The following GPRASP1 variants were observed in gnomAD, a reference collection of about 807,000 sequenced individuals.
GPRASP1 encodes G protein-coupled receptor-associated sorting protein 1.
Under a neutral mutation model 68.4 loss-of-function variants are expected in GPRASP1, and 28 were observed. The observed-to-expected ratio is 0.41, with a 90% CI of 0.30 to 0.56. The LOEUF is 0.56. Among genes scored for constraint, GPRASP1 ranks in the 20% least tolerant of loss-of-function variants. GPRASP1 has a pLI of 0.29. For synonymous variants in GPRASP1, 304 were observed against 358.2 expected, an observed-to-expected ratio of 0.85 and a Z score of 1.71; for missense variants, 913 against 1,031.5, an observed-to-expected ratio of 0.89 and a Z score of 1.57.
chrX:102,652,092 A>G (rs1288171815), intron 2 of GPRASP1, 83 bp from the exon 3 acceptor site: 1 of 112,877 alleles, frequency 8.9e-6, no homozygotes, highest in Admixed American at 9.3e-5. Flanking sequence ...TGATTCCGGA[A>G]AGGGGCCTGT....
Position 102,657,782 on chromosome X carries a change from C to G in GPRASP1, c.3869C>G (p.Ala1290Gly). 1 of 1,206,557 alleles carries G rather than the reference C, an allele frequency of 8.3e-7. No homozygotes were observed. Among genetic ancestry groups the G allele is most frequent in the African/African-American group, 1.7e-5 (1 of 57,703 alleles). Reference sequence around the variant, plus strand: ...CTCTCCTTATTAGCTACAGGCAATGCCAAAACAAGGTTTCATGTTTTGAAA... The same window carrying G: ...CTCTCCTTATTAGCTACAGGCAATGGCAAAACAAGGTTTCATGTTTTGAAA... ...GFLSLLATGNAKTRFHVLKML... is the reference protein window; with the variant it reads ...GFLSLLATGNGKTRFHVLKML... The change falls in exon 6 of 6, where the codon GCC becomes GGC. Residue 1290 changes from alanine (A) to glycine (G), a missense_variant. Ala to Gly is a moderately conservative substitution (Grantham distance 60). Coordinates refer to ENST00000537097, the MANE Select transcript of GPRASP1 (RefSeq NM_001184727.2).
In GPRASP1 at chrX:102,654,458, C is replaced by T. The variant is rs1293236532; in HGVS notation, c.545C>T (p.Ser182Phe). 40 of 1,209,842 alleles carry T rather than the reference C, an allele frequency of 3.3e-5. No homozygotes were observed. The highest frequency in any genetic ancestry group is 4.4e-5 in the Non-Finnish European group (39 of 895,042). Residue 182 changes from serine to phenylalanine, a missense_variant, in exon 6 of 6, where the codon TCC (serine) becomes TTC (phenylalanine). Physicochemically the swap from Ser to Phe is radical, Grantham distance 155. Coordinates refer to ENST00000537097, the MANE Select transcript of GPRASP1 (RefSeq NM_001184727.2). Reference protein sequence around the residue: ...MGSWCCPRPTSKQEASPNSDF... With the variant: ...MGSWCCPRPTFKQEASPNSDF... Reference sequence around the variant, plus strand: ...TCCTGGTGCTGTCCTAGGCCTACATCCAAACAAGAAGCCTCTCCTAATTCT... The same window carrying T: ...TCCTGGTGCTGTCCTAGGCCTACATTCAAACAAGAAGCCTCTCCTAATTCT...
intron 3 of GPRASP1, among the ~76,000 whole-genome samples, 151 bp downstream of exon 3, chrX:102,652,416 C>A (rs970228039): frequency 2.7e-4 from 30 of 111,613 alleles, no homozygotes; most frequent in African/African-American, 9.5e-4. Context: ...CCATCCCCAT[C>A]TGCCTCCCCC....
chrX:102,651,647 GGGT>G (rs916030226), intron 1 of GPRASP1, 37 bp from the exon 2 acceptor site: 6 of 111,935 alleles, frequency 5.4e-5, no homozygotes, highest in African/African-American at 2.0e-4. Context: ...TGGTCCGCCA[GGGT>G]GGACCGGCTG....
Position 102,657,093 on chromosome X carries a change from C to T in GPRASP1, c.3180C>T (p.Val1060=), listed in dbSNP as rs1245419093. ...VQFKPGPWGR[V]GFPSISPFRF... ...TCAAGCCTGGTCCATGGGGTAGGGTCGGCTTCCCATCTATAAGCCCCTTTA... is the reference window on the plus strand; with the variant it reads ...TCAAGCCTGGTCCATGGGGTAGGGTTGGCTTCCCATCTATAAGCCCCTTTA... The change falls in exon 6 of 6, where the codon GTC becomes GTT. Residue 1060 remains valine (V), a synonymous_variant. Transcript: ENST00000537097. The T allele has an allele frequency of 6.6e-6, 8 of 1,210,151 alleles. No homozygotes were observed. Among genetic ancestry groups the T allele is most frequent in the Admixed American group, 4.3e-5 (2 of 46,013 alleles).
chrX:102,655,666 T>G lies in GPRASP1; in HGVS notation c.1753T>G (p.Trp585Gly). The G allele has an allele frequency of 2.5e-6, 3 of 1,211,415 alleles. No individual in the cohort carries two copies. Among genetic ancestry groups the G allele is most frequent in the Non-Finnish European group, 3.4e-6 (3 of 895,348 alleles). The change falls in exon 6 of 6, where the codon TGG (tryptophan) becomes GGG (glycine). Residue 585 changes from tryptophan (W) to glycine (G), a missense_variant. Physicochemically the swap from Trp to Gly is radical, Grantham distance 184 (BLOSUM62 -2). Coordinates refer to ENST00000537097, the MANE Select transcript of GPRASP1 (RefSeq NM_001184727.2). Reference protein sequence around the residue: ...EEETIFGSWFWAENQTYMDCR... With the variant: ...EEETIFGSWFGAENQTYMDCR... ...AGAGACAATATTCGGGTCCTGGTTT[T>G]GGGCTGAAAACCAGACCTATATGGA...
In GPRASP1 at chrX:102,654,467, A is replaced by G. The variant is rs773994817; in HGVS notation, c.554A>G (p.Glu185Gly). 8.3e-6 allele frequency: 10 copies of G among 1,209,663 alleles called. No homozygotes were observed. Among genetic ancestry groups the G allele is most frequent in the Middle Eastern group, 2.3e-4 (1 of 4,370 alleles). Residue 185 changes from glutamate (E) to glycine (G), a missense_variant, in exon 6 of 6, where the codon GAA becomes GGA. Coordinates refer to ENST00000537097, the MANE Select transcript of GPRASP1 (RefSeq NM_001184727.2). Reference protein sequence around the residue: ...WCCPRPTSKQEASPNSDFKWV... With the variant: ...WCCPRPTSKQGASPNSDFKWV... ...TGTCCTAGGCCTACATCCAAACAAG[A>G]AGCCTCTCCTAATTCTGATTTCAAA...
In GPRASP1 at chrX:102,655,765, T is replaced by G. The variant is rs140999278; in HGVS notation, c.1852T>G (p.Trp618Gly). ...GGAGCCCATTATTGGGTCCTGGTTT[T>G]GGACCAGAGTAGAAGCTTGTGTGGA... is the stretch of plus-strand genomic sequence containing the variant. ...EEEPIIGSWF[W>G]TRVEACVEGD... Residue 618 changes from tryptophan (W) to glycine (G), a missense_variant, in exon 6 of 6, where the codon TGG becomes GGG. By Grantham distance (184) the Trp-to-Gly change is radical (BLOSUM62 -2). Transcript: ENST00000537097. 8.3e-7 allele frequency: 1 copy of G among 1,210,848 alleles called. No homozygotes were observed. The highest frequency in any genetic ancestry group is 1.1e-6 in the Non-Finnish European group (1 of 895,164).
Position 102,657,239 on chromosome X carries a change from C to T in GPRASP1, c.3326C>T (p.Pro1109Leu), listed in dbSNP as rs745319643. ...ESLLQPDQPS[P>L]EFPFQYDPSY... The stretch of plus-strand genomic sequence containing the variant: ...TTGCTTCAGCCTGATCAGCCTAGTC[C>T]TGAGTTCCCATTTCAGTATGATCCT... The change falls in exon 6 of 6, where the codon CCT (proline) becomes CTT (leucine). Residue 1109 changes from proline to leucine, a missense_variant. Physicochemically the swap from Pro to Leu is moderately conservative, Grantham distance 98. Transcript: ENST00000537097. 1 of 1,210,355 alleles carries T rather than the reference C, an allele frequency of 8.3e-7. No homozygotes were observed. Among genetic ancestry groups the T allele is most frequent in the Admixed American group, 2.2e-5 (1 of 46,067 alleles).
Position 102,656,693 on chromosome X carries a change from C to A in GPRASP1, c.2780C>A (p.Ser927Tyr), listed in dbSNP as rs1227937053. Residue 927 changes from serine (S) to tyrosine (Y), a missense_variant, in exon 6 of 6, where the codon TCC becomes TAC. Transcript: ENST00000537097. ...VSEEAGPCCVSKPEDDEEMIV... is the reference protein window; with the variant it reads ...VSEEAGPCCVYKPEDDEEMIV... ...GAAGAAGCAGGACCATGCTGTGTAT[C>A]CAAGCCAGAGGATGATGAAGAGATG... 8.3e-7 allele frequency: 1 copy of A among 1,210,251 alleles called. No homozygotes were observed. Among genetic ancestry groups the A allele is most frequent in the Admixed American group, 2.2e-5 (1 of 45,937 alleles).
At position 102,654,621 on chromosome X, in the gene GPRASP1, G is replaced by A. The variant is rs1047804722; in HGVS notation, c.708G>A (p.Met236Ile). ...TGGCCAATCAAGAGGCTAATACCAT[G>A]TCTAGGTCCCAAACTAACCAGGAGC... Reference protein sequence around the residue: ...MHMANQEANTMSRSQTNQELY... With the variant: ...MHMANQEANTISRSQTNQELY... The change falls in exon 6 of 6, where the codon ATG (methionine) becomes ATA (isoleucine). Residue 236 changes from methionine (M) to isoleucine (I), a missense_variant. Physicochemically the swap from Met to Ile is conservative, Grantham distance 10. Coordinates refer to ENST00000537097, the MANE Select transcript of GPRASP1 (RefSeq NM_001184727.2). The A allele has an allele frequency of 8.3e-7, 1 of 1,208,939 alleles. No homozygotes were observed. The highest frequency in any genetic ancestry group is 1.1e-6 in the Non-Finnish European group (1 of 892,847).
At position 102,657,860 on chromosome X, in the gene GPRASP1, C is replaced by T. The variant is rs1422366897; in HGVS notation, c.3947C>T (p.Ala1316Val). 8.5e-7 allele frequency: 1 copy of T among 1,181,473 alleles called. No homozygotes were observed. The highest frequency in any genetic ancestry group is 2.3e-4 in the Middle Eastern group (1 of 4,289). ...TTCATGACAAAAGAACTACTCAGTGCTGAAGCAGTGTCAGAATTTATAGGC... is the reference window on the plus strand; with the variant it reads ...TTCATGACAAAAGAACTACTCAGTGTTGAAGCAGTGTCAGAATTTATAGGC... Reference protein sequence around the residue: ...NLFMTKELLSAEAVSEFIGLF... With the variant: ...NLFMTKELLSVEAVSEFIGLF... The change falls in exon 6 of 6, where the codon GCT becomes GTT. Residue 1316 changes from alanine (A) to valine (V), a missense_variant. Physicochemically the swap from Ala to Val is moderately conservative, Grantham distance 64. Transcript: ENST00000537097.
rs1168602547 is a variant in GPRASP1 at position 102,655,162 on chromosome X, A to G, written c.1249A>G (p.Met417Val). ...GTTCTGGGCTACAGACGAGTCCAGCATGGCAGATGAAGCCAGCATAGAGTC... is the reference window on the plus strand; with the variant it reads ...GTTCTGGGCTACAGACGAGTCCAGCGTGGCAGATGAAGCCAGCATAGAGTC... ...TWFWATDESS[M>V]ADEASIESSL... The change falls in exon 6 of 6, where the codon ATG (methionine) becomes GTG (valine). Residue 417 changes from methionine to valine, a missense_variant. By Grantham distance (21) the Met-to-Val change is conservative. Transcript: ENST00000537097. The G allele has an allele frequency of 5.8e-6, 7 of 1,211,847 alleles. No individual in the cohort carries two copies. In the East Asian group the frequency reaches 1.2e-4, roughly 20 times the overall value.
At position 102,653,768 on chromosome X, in the gene GPRASP1, G is replaced by A. The variant is rs1280075873; in HGVS notation, c.-146G>A. On this transcript the variant is annotated 5_prime_UTR_variant, in exon 6 of 6. Transcript: ENST00000537097. The stretch of plus-strand genomic sequence containing the variant: ...AGGAGGCTGAGTGACTACTGGACTG[G>A]ATATTGACTCTAACTCTTGTTTCCA... 2.0e-6 allele frequency: 1 copy of A among 507,694 alleles called. No individual in the cohort carries two copies. The highest frequency in any genetic ancestry group is 3.4e-6 in the Non-Finnish European group (1 of 290,829). 41.8% of individuals were successfully genotyped at this position (507,694 alleles called of 1,213,427 possible). A position where few individuals can be genotyped will look rare whatever the true frequency, so the allele number is the denominator to read the frequency against.
Position 102,656,915 on chromosome X carries a change from T to C in GPRASP1, c.3002T>C (p.Ile1001Thr). The C allele has an allele frequency of 2.5e-6, 3 of 1,209,143 alleles. No homozygotes were observed. Among genetic ancestry groups the C allele is most frequent in the Non-Finnish European group, 3.4e-6 (3 of 893,785 alleles). The change falls in exon 6 of 6, where the codon ATA (isoleucine) becomes ACA (threonine). Residue 1001 changes from isoleucine to threonine, a missense_variant. Coordinates refer to ENST00000537097, the MANE Select transcript of GPRASP1 (RefSeq NM_001184727.2). ...SRTLADEDEAIVGSWFWAGDE... is the reference protein window; with the variant it reads ...SRTLADEDEATVGSWFWAGDE... ...ACATTAGCTGATGAAGATGAGGCCA[T>C]AGTGGGGTCCTGGTTCTGGGCAGGA... is the stretch of plus-strand genomic sequence containing the variant.
Position 102,658,735 on chromosome X carries a change from AGAGT to A in GPRASP1, c.*642_*645del, listed in dbSNP as rs1398155486. On this transcript the variant is annotated 3_prime_UTR_variant, in exon 6 of 6. Transcript: ENST00000537097. ...TGGGAGTGAGGTATCCTGTTTGCCT[AGAGT>A]GAGTGAGAGGAATATATTGAGCAAC... is the stretch of plus-strand genomic sequence containing the variant. The A allele has an allele frequency of 8.2e-6, 1 of 121,633 alleles. No individual in the cohort carries two copies. The highest frequency in any genetic ancestry group is 1.9e-5 in the Non-Finnish European group (1 of 52,968). The allele number at this position is 121,633 out of a possible 1,213,427, so 10.0% of individuals were successfully genotyped here.
chrX:102,652,004 G>A (rs1337092672), intron 2 of GPRASP1, among the ~76,000 whole-genome samples, 171 bp from the exon 3 acceptor site: 1 of 112,236 alleles, frequency 8.9e-6, no homozygotes, highest in Non-Finnish European at 1.9e-5. Context: ...GGGGGCGCCT[G>A]GGGGGGCCCT....
chrX:102,656,474 C>G lies in GPRASP1; in HGVS notation c.2561C>G (p.Pro854Arg). ...GSWFWEEEAS[P>R]EAVAGVGFES... ...TGGTTCTGGGAAGAAGAGGCCAGTC[C>G]GGAGGCAGTGGCAGGAGTCGGCTTT... Residue 854 changes from proline to arginine, a missense_variant, in exon 6 of 6, where the codon CCG (proline) becomes CGG (arginine). Transcript: ENST00000537097. 2 of 1,209,567 alleles carry G rather than the reference C, an allele frequency of 1.7e-6. No homozygotes were observed. Among genetic ancestry groups the G allele is most frequent in the Admixed American group, 4.4e-5 (2 of 45,816 alleles).
Position 102,653,672 on chromosome X carries a change from C to A in GPRASP1, c.-242C>A. On this transcript the variant is annotated 5_prime_UTR_variant, in exon 6 of 6. Coordinates refer to ENST00000537097, the MANE Select transcript of GPRASP1 (RefSeq NM_001184727.2). ...ACCCATCCAGGAAATCTCTGTCTTC[C>A]TCAAGCTTGGTTGTGCCTGTTCTAC... 1 of 355,014 alleles carries A rather than the reference C, an allele frequency of 2.8e-6. No homozygotes were observed. Among genetic ancestry groups the A allele is most frequent in the African/African-American group, 2.5e-5 (1 of 39,886 alleles). The allele number at this position is 355,014 out of a possible 1,213,427, so 29.3% of individuals were successfully genotyped here.
Sources: allele counts gnomAD v4.1 joint callset (sites outside exome capture counted in the v4.1 genomes callset), GRCh38; gene constraint gnomAD v4.1.1; transcripts MANE v1.5; gene names NCBI Gene and HGNC (gene_info 2026-07-23, HGNC 2026-07-21).